The following RAPGEF2 variants were observed in gnomAD, a reference collection of about 807,000 sequenced individuals.
The protein encoded by RAPGEF2 is Rap guanine nucleotide exchange factor 2.
Under a neutral mutation model 186.7 loss-of-function variants are expected in RAPGEF2, and 54 were observed. That is an observed-to-expected ratio of 0.29 (90% confidence interval 0.23 to 0.36). The LOEUF (loss-of-function observed/expected upper bound fraction) is 0.36, where lower values mean the gene tolerates loss of function less well. RAPGEF2 is among the 10% of genes least tolerant of loss of function. RAPGEF2 has a pLI of 1.00. For missense variants in RAPGEF2, 1,532 were observed against 2,045.0 expected (o/e 0.75, Z 4.84); for synonymous variants, 712 against 705.9 (o/e 1.01, Z -0.14).
chr4:159,346,725 T>C, intron 24 of RAPGEF2, 64 bp from the exon 25 acceptor site: 1 of 1,337,174 alleles, frequency 7.5e-7, no homozygotes, highest in Non-Finnish European at 1.1e-6. Flanking sequence ...TCTAGAATTA[T>C]CTTCTACATA....
At chr4:159,211,072 G>C (rs1336054488) in intron 4 of RAPGEF2, among the ~76,000 whole-genome samples, 4 of 152,204 alleles carry the variant, frequency 2.6e-5, no homozygotes, top group Admixed American at 2.6e-4. Flanking sequence ...TTGGCTACCT[G>C]CTCTGTAAGG....
In RAPGEF2 at chr4:159,317,177, C is replaced by CA. The variant is rs200788747; in HGVS notation, c.853+2418dup. ...TATACATATTCTAGGAAATTAAAGG[C>CA]AAAAAAAAACCAAAACCTTAGATTA... On this transcript the variant is annotated intron_variant, in intron 9 of 29. Transcript: ENST00000691494. 7.6e-3 allele frequency among the ~76,000 whole-genome samples: 1,120 copies of CA among 147,080 alleles called. 11 individuals carry two copies. Among genetic ancestry groups the CA allele is most frequent in the African/African-American group, 0.026 (1,054 of 39,958 alleles).
At position 159,343,010 on chromosome 4, in the gene RAPGEF2, C is replaced by A; in HGVS notation, c.2950C>A (p.Arg984=). 1 of 1,613,984 alleles carries A rather than the reference C, an allele frequency of 6.2e-7. No individual in the cohort carries two copies. ...GLNLAPVARL[R]TTWEKLPNKY... ...AAACCTGGCACCAGTGGCAAGACTGCGAACGACCTGGGAGAAACTTCCCAA... is the reference window on the plus strand; with the variant it reads ...AAACCTGGCACCAGTGGCAAGACTGAGAACGACCTGGGAGAAACTTCCCAA... The change falls in exon 21 of 30, where the codon CGA becomes AGA. Residue 984 remains arginine, a synonymous_variant. Coordinates refer to ENST00000691494, the MANE Select transcript of RAPGEF2 (RefSeq NM_001394067.2).
chr4:159,285,438 A>G (rs1313549510), intron 7 of RAPGEF2, among the ~76,000 whole-genome samples: 1 of 152,244 alleles, frequency 6.6e-6, no homozygotes, highest in African/African-American at 2.4e-5. Context: ...GAAAGCATTA[A>G]AGAACAGAAT....
At chr4:159,148,368 T>A (rs115720108) in intron 1 of RAPGEF2, among the ~76,000 whole-genome samples, 1,584 of 152,312 alleles carry the variant, frequency 0.01, 31 homozygotes, top group African/African-American at 0.036. Flanking sequence ...CAGTTTCTTA[T>A]ATTTGTTTTT....
At chr4:159,320,445 GC>G (rs1197478114) in intron 9 of RAPGEF2, among the ~76,000 whole-genome samples, 1 of 152,130 alleles carries the variant, frequency 6.6e-6, no homozygotes, top group African/African-American at 2.4e-5. Flanking sequence ...TAACTGATGT[GC>G]TTTGATAGTT....
intron 7 of RAPGEF2, among the ~76,000 whole-genome samples, chr4:159,258,108 C>T (rs929851188): frequency 1.3e-5 from 2 of 152,094 alleles, no homozygotes; most frequent in Non-Finnish European, 2.9e-5. Context: ...CTGATATTTA[C>T]AATTAAATAT....
intron 1 of RAPGEF2, among the ~76,000 whole-genome samples, chr4:159,109,503 A>G (rs902475400): frequency 6.6e-6 from 1 of 152,178 alleles, no homozygotes; most frequent in African/African-American, 2.4e-5. Flanking sequence ...GATTAAGTGA[A>G]AGTACATTAT....
intron 7 of RAPGEF2, among the ~76,000 whole-genome samples, chr4:159,261,024 G>C (rs1182433953): frequency 1.3e-5 from 2 of 151,998 alleles, no homozygotes; most frequent in African/African-American, 4.8e-5. Context: ...CAAAGTGTTG[G>C]GATTACAGGC....
chr4:159,259,963 A>G (rs1243287081), intron 7 of RAPGEF2, among the ~76,000 whole-genome samples: 1 of 151,924 alleles, frequency 6.6e-6, no homozygotes, highest in Non-Finnish European at 1.5e-5. Context: ...CTATTGTCCT[A>G]TTATCACTGT....
chr4:159,248,321 T>A (rs776040401), intron 7 of RAPGEF2, among the ~76,000 whole-genome samples: 131 of 152,066 alleles, frequency 8.6e-4, no homozygotes, highest in South Asian at 1.5e-3. Context: ...TGTTAGAGAG[T>A]GATATACATA....
intron 6 of RAPGEF2, among the ~76,000 whole-genome samples, chr4:159,241,917 G>A (rs1754060235): frequency 6.6e-6 from 1 of 151,902 alleles, no homozygotes; most frequent in South Asian, 2.1e-4. Flanking sequence ...ATTTTTTAAT[G>A]CAGTGAAGGA....
At chr4:159,214,691 A>G (rs532383188) in intron 4 of RAPGEF2, among the ~76,000 whole-genome samples, 1 of 152,322 alleles carries the variant, frequency 6.6e-6, no homozygotes, top group South Asian at 2.1e-4. Flanking sequence ...TTTATTAAAG[A>G]TAGGTTCAGG....
At chr4:159,348,242 A>AGATAGATAGATAGATAGATAGATGGATG (rs544061786) in intron 25 of RAPGEF2, among the ~76,000 whole-genome samples, 46 of 145,066 alleles carry the variant, frequency 3.2e-4, no homozygotes, top group African/African-American at 1.2e-3. Flanking sequence ...ATAGATAGAT[A>AGATAGATAGATAGATAGATAGATGGATG]GATGGATGGA....
In RAPGEF2 at chr4:159,355,878, G is replaced by GCC; in HGVS notation, c.4681_4682dup (p.Pro1562ArgfsTer64). ...CACGAAAGGAGGGCAGGTATCGAGA[G>GCC]CCCCCGCCCACCCCTCCCGGCTACA... On this transcript the variant is annotated frameshift_variant, in exon 29 of 30. Transcript: ENST00000691494. LOFTEE classifies it high-confidence loss of function. 403 of 1,515,538 alleles carry GCC rather than the reference G, an allele frequency of 2.7e-4. No individual in the cohort carries two copies. The highest frequency in any genetic ancestry group is 3.3e-4 in the Non-Finnish European group (366 of 1,117,700). The allele number at this position is 1,515,538 out of a possible 1,614,324, so 93.9% of individuals were successfully genotyped here.
chr4:159,271,578 T>G (rs1023069665), intron 7 of RAPGEF2, among the ~76,000 whole-genome samples: 1 of 152,174 alleles, frequency 6.6e-6, no homozygotes, highest in Admixed American at 6.5e-5. Context: ...ATATTACTAG[T>G]AAGTGGTAGA....
intron 1 of RAPGEF2, among the ~76,000 whole-genome samples, chr4:159,131,352 C>T (rs1017021878): frequency 3.3e-5 from 5 of 151,762 alleles, no homozygotes; most frequent in East Asian, 3.9e-4. Flanking sequence ...TCAGGTGATC[C>T]GCCTATCTTG....
At chr4:159,287,636 T>A (rs1760680019) in intron 7 of RAPGEF2, among the ~76,000 whole-genome samples, 1 of 152,186 alleles carries the variant, frequency 6.6e-6, no homozygotes, top group Non-Finnish European at 1.5e-5. Flanking sequence ...TAATTTTTGT[T>A]TACATGCATA....
intron 1 of RAPGEF2, among the ~76,000 whole-genome samples, chr4:159,175,318 A>T (rs979580202): frequency 3.3e-5 from 5 of 151,796 alleles, no homozygotes; most frequent in Non-Finnish European, 5.9e-5. Context: ...AAAACCATAC[A>T]CTCTGCTATG....
Sources: allele counts gnomAD v4.1 joint callset (sites outside exome capture counted in the v4.1 genomes callset), GRCh38; gene constraint gnomAD v4.1.1; transcripts MANE v1.5; gene names NCBI Gene and HGNC (gene_info 2026-07-23, HGNC 2026-07-21).